The following FER1L5 variants were observed in gnomAD, a reference collection of about 807,000 sequenced individuals.
FER1L5 encodes fer-1 like family member 5.
A neutral mutation model predicts 279.9 loss-of-function variants in FER1L5; 187 were observed. That is an observed-to-expected ratio of 0.67 (90% CI 0.59 to 0.75). The LOEUF is 0.75. Among genes scored for constraint, FER1L5 ranks in the 30% least tolerant of loss-of-function variants. The pLI is 0.00. For missense variants in FER1L5, 2,091 were observed against 2,594.4 expected, an observed-to-expected ratio of 0.81 and a Z score of 4.21; for synonymous variants, 921 against 989.7, an observed-to-expected ratio of 0.93 and a Z score of 1.30.
chr2:96,691,271 G>A lies in FER1L5; in HGVS notation c.2825G>A (p.Arg942His), dbSNP rs951893163. The change falls in exon 28 of 53, where the codon CGC (arginine) becomes CAC (histidine). Residue 942 changes from arginine to histidine, a missense_variant. Coordinates refer to ENST00000624922, the MANE Select transcript of FER1L5 (RefSeq NM_001293083.2). This position sits in a 1 kb window ranked among gnomAD's most constrained non-coding sequence, Gnocchi z 6.0. ...SPVEKTYHSC[R>H]RRRWARVRFR... ...GTGGAGAAGACCTACCACTCGTGCC[G>A]CCGCCGGCGCTGGGCGCGTGTGCGC... 1.5e-5 allele frequency: 24 copies of A among 1,550,478 alleles called. No individual in the cohort carries two copies. Among genetic ancestry groups the A allele is most frequent in the East Asian group, 2.4e-5 (1 of 40,910 alleles).
intron 52 of FER1L5, 52 bp from the exon 53 acceptor site, chr2:96,704,416 G>A: frequency 6.2e-7 from 1 of 1,612,866 alleles, no homozygotes; most frequent in Non-Finnish European, 8.5e-7. Context: ...TGACTCTGGG[G>A]ACAGCGTCTT....
In FER1L5 at chr2:96,684,437, A is replaced by C. The variant is rs1409777011; in HGVS notation, c.1780A>C (p.Thr594Pro). The C allele has an allele frequency of 6.4e-7, 1 of 1,550,994 alleles. No homozygotes were observed. Among genetic ancestry groups the C allele is most frequent in the Non-Finnish European group, 8.7e-7 (1 of 1,146,864 alleles). Reference sequence around the variant, plus strand: ...GAACTGCCTCAACCTCCTCCACTTCACTCGGGACCGCCTGGTGAGTGGTGC... The same window carrying C: ...GAACTGCCTCAACCTCCTCCACTTCCCTCGGGACCGCCTGGTGAGTGGTGC... ...RMNCLNLLHF[T>P]RDRLKANLDT... The change falls in exon 20 of 53, where the codon ACT (threonine) becomes CCT (proline). Residue 594 changes from threonine to proline, a missense_variant. By Grantham distance (38) the Thr-to-Pro change is conservative. Transcript: ENST00000624922.
intron 9 of FER1L5, among the ~76,000 whole-genome samples, chr2:96,659,556 A>C (rs762735545): frequency 1.4e-5 from 2 of 146,358 alleles, no homozygotes; most frequent in Non-Finnish European, 3.0e-5. Context: ...CAGTGGCGCA[A>C]TCTCGGCTCA....
intron 9 of FER1L5, among the ~76,000 whole-genome samples, chr2:96,659,388 T>TCCTTC: frequency 1.1e-4 from 1 of 9,384 alleles, no homozygotes; most frequent in Admixed American, 1.6e-3. Context: ...TTTCTTTCTT[T>TCCTTC]CTTTCTTTCT....
chr2:96,649,764 C>T (rs2075287741), intron 5 of FER1L5, 87 bp downstream of exon 5: 2 of 1,371,972 alleles, frequency 1.5e-6, no homozygotes, highest in African/African-American at 2.9e-5. Context: ...ACCTTCAAAA[C>T]CCAGCCCTTG....
chr2:96,701,735 G>T (rs1056048853), intron 45 of FER1L5, among the ~76,000 whole-genome samples: 2 of 152,066 alleles, frequency 1.3e-5, no homozygotes, highest in Non-Finnish European at 2.9e-5. Flanking sequence ...CAGCCCCAAA[G>T]CTACCGTGTC....
At chr2:96,684,259 G>GAC in intron 19 of FER1L5, 68 bp from the exon 20 acceptor site, 1 of 1,520,532 alleles carries the variant, frequency 6.6e-7, no homozygotes. Flanking sequence ...CTCGGAGGGA[G>GAC]CACAGTGAGA....
intron 45 of FER1L5, among the ~76,000 whole-genome samples, chr2:96,701,292 G>A (rs1040801448): frequency 6.6e-6 from 1 of 152,230 alleles, no homozygotes; most frequent in Admixed American, 6.5e-5. Context: ...CCTGGTGACA[G>A]AGGGAAACTC....
At position 96,702,881 on chromosome 2, in the gene FER1L5, T is replaced by C; in HGVS notation, c.5398-97T>C. ...TGTCCTCAGGTGGAAACCCTCTTCC[T>C]TGATAGTCTATCACTGCTGGGTGGA... On this transcript the variant is annotated intron_variant, in intron 48 of 52. Transcript: ENST00000624922. The surrounding 1 kb of genome is among the most constrained non-coding windows in gnomAD (Gnocchi z 4.0). The C allele has an allele frequency of 7.8e-6, 12 of 1,531,404 alleles. No individual in the cohort carries two copies. The highest frequency in any genetic ancestry group is 1.2e-5 in the South Asian group (1 of 83,460). 94.9% of individuals were successfully genotyped at this position (1,531,404 alleles called of 1,614,324 possible).
chr2:96,703,660 G>T, intron 51 of FER1L5, 28 bp downstream of exon 51: 6 of 1,606,228 alleles, frequency 3.7e-6, no homozygotes, highest in Non-Finnish European at 5.1e-6. Flanking sequence ...AAAAGCACCA[G>T]ATCTTTCTTG....
chr2:96,686,013 C>T lies in FER1L5; in HGVS notation c.1969C>T (p.Leu657Phe), dbSNP rs1263538222. 6.4e-7 allele frequency: 1 copy of T among 1,551,534 alleles called. No individual in the cohort carries two copies. Among genetic ancestry groups the T allele is most frequent in the Non-Finnish European group, 8.7e-7 (1 of 1,146,976 alleles). ...LDRKRWQLRS[L>F]LLQELAQKAK... The stretch of plus-strand genomic sequence containing the variant: ...CAGGAAGAGGTGGCAGCTCCGCAGC[C>T]TCCTCCTGCAGGAACTGGCCCAAAA... The change falls in exon 22 of 53, where the codon CTC (leucine) becomes TTC (phenylalanine). Residue 657 changes from leucine to phenylalanine, a missense_variant. By Grantham distance (22) the Leu-to-Phe change is conservative. Transcript: ENST00000624922.
In FER1L5 at chr2:96,702,476, C is replaced by G. The variant is rs1259202438; in HGVS notation, c.5255+75C>G. ...TGTCATCCTGCTGGCACGGCCCAGT[C>G]CTGAATGGGACACCTCTCCATCCAG... On this transcript the variant is annotated intron_variant, in intron 47 of 52. Coordinates refer to ENST00000624922, the MANE Select transcript of FER1L5 (RefSeq NM_001293083.2). This position sits in a 1 kb window ranked among gnomAD's most constrained non-coding sequence, Gnocchi z 4.0. The G allele has an allele frequency of 4.5e-6, 7 of 1,556,210 alleles. No homozygotes were observed. The East Asian group carries it at 1.5e-4, about 32-fold the overall frequency.
At chr2:96,699,518 A>G (rs368907899) in intron 42 of FER1L5, 32 bp from the exon 43 acceptor site, 243 of 1,595,704 alleles carry the variant, frequency 1.5e-4, no homozygotes, top group Non-Finnish European at 1.9e-4. Context: ...CATTGCCCAC[A>G]TCCTCTGCAG....
Position 96,702,705 on chromosome 2 carries a change from C to T in FER1L5, c.5361C>T (p.Tyr1787=), listed in dbSNP as rs1219905967. Residue 1787 remains tyrosine, a synonymous_variant, in exon 48 of 53, where the codon TAC becomes TAT. Transcript: ENST00000624922. The surrounding 1 kb of genome is among the most constrained non-coding windows in gnomAD (Gnocchi z 4.0). ...FNWRFIFTMD[Y]LAAERTCVQS... ...GGCGGTTCATCTTTACCATGGACTA[C>T]CTGGCGGCGGAGCGCACGTGTGTCC... 1.9e-6 allele frequency: 3 copies of T among 1,613,004 alleles called. No homozygotes were observed. The highest frequency in any genetic ancestry group is 2.5e-6 in the Non-Finnish European group (3 of 1,179,622).
Position 96,702,267 on chromosome 2 carries a change from G to C in FER1L5, c.5160-39G>C. ...CCCTCACTGAGGCTGCAGCTGGGGA[G>C]CTCCTCCTCAGCAAAGCCTCAGAGC... On this transcript the variant is annotated intron_variant, in intron 46 of 52. Coordinates refer to ENST00000624922, the MANE Select transcript of FER1L5 (RefSeq NM_001293083.2). The surrounding 1 kb of genome is among the most constrained non-coding windows in gnomAD (Gnocchi z 4.0). 5 of 1,594,422 alleles carry C rather than the reference G, an allele frequency of 3.1e-6. No individual in the cohort carries two copies. The highest frequency in any genetic ancestry group is 4.3e-6 in the Non-Finnish European group (5 of 1,170,922).
In FER1L5 at chr2:96,645,833, CAAAG is replaced by C. The variant is rs1437974100; in HGVS notation, c.86-560_86-557del. On this transcript the variant is annotated intron_variant, in intron 1 of 52. Transcript: ENST00000624922. The stretch of plus-strand genomic sequence containing the variant: ...AGTAAAGAAAAAATAAAAAGAGAAA[CAAAG>C]AAAGAAAATGAAATGAACATAGAGC... Among the ~76,000 whole-genome samples, 11 of 151,520 alleles carry C rather than the reference CAAAG, an allele frequency of 7.3e-5. No individual in the cohort carries two copies. In the South Asian group the frequency reaches 1.9e-3, roughly 26 times the overall value.
chr2:96,670,678 A>G (rs1343662859), intron 18 of FER1L5, among the ~76,000 whole-genome samples: 2 of 151,530 alleles, frequency 1.3e-5, no homozygotes, highest in South Asian at 4.2e-4. Context: ...CCCAGCTACT[A>G]GGGAGGCTGA....
intron 39 of FER1L5, 26 bp downstream of exon 39, chr2:96,697,787 G>A: frequency 6.2e-7 from 1 of 1,610,264 alleles, no homozygotes; most frequent in East Asian, 2.2e-5. Context: ...GAAATGGGAT[G>A]GAATCAAATC....
chr2:96,700,516 A>G (rs1337344567), intron 45 of FER1L5, 45 bp downstream of exon 45: 1 of 1,608,182 alleles, frequency 6.2e-7, no homozygotes, highest in Non-Finnish European at 8.5e-7. Flanking sequence ...AGGAGGAGCT[A>G]GATCAGGAGA....
Sources: gnomAD v4.1 joint callset for allele counts (sites outside exome capture counted in the v4.1 genomes callset) on GRCh38, gnomAD v4.1.1 for gene constraint, Gnocchi (gnomAD v3.1) non-coding constraint, MANE v1.5 for transcripts, NCBI Gene and HGNC (gene_info 2026-07-23, HGNC 2026-07-21) for gene names.